The following SLC2A10 variants were observed in gnomAD, a reference collection of about 807,000 sequenced individuals.
SLC2A10 encodes the protein solute carrier family 2 member 10, also known as solute carrier family 2, facilitated glucose transporter member 10.
A neutral mutation model predicts 32.1 loss-of-function variants in SLC2A10; 25 were observed. The ratio of observed to expected loss-of-function variants is 0.78; its 90% confidence interval spans 0.57 to 1.09. SLC2A10 has a LOEUF of 1.09. Among genes scored for constraint, SLC2A10 ranks in the 50% least tolerant of loss-of-function variants. SLC2A10 has a pLI of 0.00. For synonymous variants in SLC2A10, 332 were observed against 309.6 expected (o/e 1.07, Z -0.76); for missense variants, 673 against 686.5 (o/e 0.98, Z 0.22).
chr20:46,709,281 G>C (rs1272283752), upstream of SLC2A10, among the ~76,000 whole-genome samples: 1 of 145,576 alleles, frequency 6.9e-6, no homozygotes, highest in Non-Finnish European at 1.5e-5. Flanking sequence ...TGTGTGTTGT[G>C]TGTGTGCGCA....
chr20:46,710,151 C>G (rs1405065281), intron 1 of SLC2A10: 1 of 427,224 alleles, frequency 2.3e-6, no homozygotes, highest in East Asian at 3.5e-5. Flanking sequence ...GGCCTGGGGA[C>G]GCTGTCGCGA....
intron 1 of SLC2A10, among the ~76,000 whole-genome samples, chr20:46,720,044 G>A (rs1442334272): frequency 6.6e-6 from 1 of 152,150 alleles, no homozygotes; most frequent in Admixed American, 6.5e-5. Context: ...CAACTTAGAG[G>A]AACAGCATCC....
chr20:46,723,547 G>A (rs999761945), intron 1 of SLC2A10, among the ~76,000 whole-genome samples: 1 of 152,132 alleles, frequency 6.6e-6, no homozygotes, highest in Non-Finnish European at 1.5e-5. Flanking sequence ...ATAGATGACC[G>A]ATTTGTTTCC....
chr20:46,722,220 C>A lies in SLC2A10; in HGVS notation c.5-2821C>A, dbSNP rs569881800. On this transcript the variant is annotated intron_variant, in intron 1 of 4. Transcript: ENST00000359271. ...ATGGAGATATTAGTAATACCTAACT[C>A]GTGAGGTTACTGTTCCATGGTGAGC... 2.0e-5 allele frequency among the ~76,000 whole-genome samples: 3 copies of A among 152,202 alleles called. No homozygotes were observed. In the South Asian group the frequency reaches 6.2e-4, roughly 32 times the overall value.
At position 46,735,783 on chromosome 20, in the gene SLC2A10, G is replaced by A. The variant is rs1980538862; in HGVS notation, c.*1949G>A. ...TATGTCTTGTTTGTAGCCAATACATGGTGTATAGCACCAAAAAATGGAGGG... is the reference window on the plus strand; with the variant it reads ...TATGTCTTGTTTGTAGCCAATACATAGTGTATAGCACCAAAAAATGGAGGG... On this transcript the variant is annotated 3_prime_UTR_variant, in exon 5 of 5. Transcript: ENST00000359271. 1 of 152,182 alleles carries A rather than the reference G, an allele frequency of 6.6e-6. No individual in the cohort carries two copies. The highest frequency in any genetic ancestry group is 2.4e-5 in the African/African-American group (1 of 41,440). The allele number at this position is 152,182 out of a possible 1,614,324, so 9.4% of individuals were successfully genotyped here.
At chr20:46,726,724 T>C (rs1419282532) in intron 2 of SLC2A10, 140 bp from the exon 3 acceptor site, 4 of 1,156,526 alleles carry the variant, frequency 3.5e-6, no homozygotes, top group South Asian at 2.5e-5. Context: ...GTAATTCTTA[T>C]AGCAGAATGG....
intron 4 of SLC2A10, among the ~76,000 whole-genome samples, chr20:46,731,869 T>G (rs148366208): frequency 3.9e-5 from 6 of 152,318 alleles, no homozygotes; most frequent in Admixed American, 3.9e-4. Flanking sequence ...TTTTCACTCC[T>G]GTGTCCTCCA....
intron 1 of SLC2A10, among the ~76,000 whole-genome samples, chr20:46,723,453 G>A (rs1382225879): frequency 7.9e-5 from 12 of 152,152 alleles, no homozygotes; most frequent in Admixed American, 7.2e-4. Context: ...CAAAGAAAAA[G>A]GGGTGAATGG....
Position 46,725,236 on chromosome 20 carries a change from T to C in SLC2A10, c.200T>C (p.Phe67Ser). The change falls in exon 2 of 5, where the codon TTC becomes TCC. Residue 67 changes from phenylalanine to serine, a missense_variant. Coordinates refer to ENST00000359271, the MANE Select transcript of SLC2A10 (RefSeq NM_030777.4). ...CTCCTCGCCTCCCTGGTTGGTGGCTTCCTCATTGACTGCTATGGCAGGAAG... is the reference window on the plus strand; with the variant it reads ...CTCCTCGCCTCCCTGGTTGGTGGCTCCCTCATTGACTGCTATGGCAGGAAG... ...GALLASLVGG[F>S]LIDCYGRKQA... 2 of 1,614,142 alleles carry C rather than the reference T, an allele frequency of 1.2e-6. No homozygotes were observed. Among genetic ancestry groups the C allele is most frequent in the Non-Finnish European group, 1.7e-6 (2 of 1,179,998 alleles).
At chr20:46,718,863 C>A (rs1979396806) in intron 1 of SLC2A10, among the ~76,000 whole-genome samples, 1 of 152,170 alleles carries the variant, frequency 6.6e-6, no homozygotes, top group South Asian at 2.1e-4. Flanking sequence ...GCAGCCTCGA[C>A]CTCCTGGGCT....
Position 46,725,972 on chromosome 20 carries a change from T to C in SLC2A10, c.936T>C (p.Ser312=), listed in dbSNP as rs2123048937. ...AGCALMALSV[S]GIGLVSFAVP... The stretch of plus-strand genomic sequence containing the variant: ...GTGCCCTCATGGCCCTGTCCGTCAG[T>C]GGCATAGGCCTCGTCAGCTTTGCCG... Residue 312 remains serine (S), a synonymous_variant, in exon 2 of 5, where the codon AGT becomes AGC. Transcript: ENST00000359271. 6.2e-7 allele frequency: 1 copy of C among 1,613,872 alleles called. No individual in the cohort carries two copies. Among genetic ancestry groups the C allele is most frequent in the South Asian group, 1.1e-5 (1 of 91,088 alleles).
In SLC2A10 at chr20:46,733,790, A is replaced by G; in HGVS notation, c.1582A>G (p.Thr528Ala). ...TLSFGHRQNS[T>A]GIPYSRIEIS... is the part of the protein sequence containing the mutation. ...GAGCTTTGGCCACAGGCAGAACTCCACTGGCATCCCGTACAGCCGCATCGA... is the reference window on the plus strand; with the variant it reads ...GAGCTTTGGCCACAGGCAGAACTCCGCTGGCATCCCGTACAGCCGCATCGA... Residue 528 changes from threonine to alanine, a missense_variant, in exon 5 of 5, where the codon ACT becomes GCT. By Grantham distance (58) the Thr-to-Ala change is moderately conservative. Coordinates refer to ENST00000359271, the MANE Select transcript of SLC2A10 (RefSeq NM_030777.4). 1 of 1,614,150 alleles carries G rather than the reference A, an allele frequency of 6.2e-7. No individual in the cohort carries two copies. Among genetic ancestry groups the G allele is most frequent in the Non-Finnish European group, 8.5e-7 (1 of 1,180,012 alleles).
At position 46,720,434 on chromosome 20, in the gene SLC2A10, T is replaced by C. The variant is rs144335500; in HGVS notation, c.5-4607T>C. On this transcript the variant is annotated intron_variant, in intron 1 of 4. Transcript: ENST00000359271. Reference sequence around the variant, plus strand: ...TAAAATGGGAATATTGAAACACTAATTTCTTTGGATTTAGGAAGAATTTTT... The same window carrying C: ...TAAAATGGGAATATTGAAACACTAACTTCTTTGGATTTAGGAAGAATTTTT... Among the ~76,000 whole-genome samples the C allele has an allele frequency of 4.2e-4, 64 of 152,374 alleles. No homozygotes were observed. The East Asian group carries it at 0.011, about 27-fold the overall frequency.
At chr20:46,715,577 G>A (rs888121087) in intron 1 of SLC2A10, among the ~76,000 whole-genome samples, 9 of 152,196 alleles carry the variant, frequency 5.9e-5, no homozygotes, top group African/African-American at 1.9e-4. Flanking sequence ...CCAGGGAGTG[G>A]CAAGGGCTCG....
chr20:46,717,249 T>C (rs991860217), intron 1 of SLC2A10, among the ~76,000 whole-genome samples: 9 of 152,094 alleles, frequency 5.9e-5, no homozygotes, highest in South Asian at 2.1e-4. Flanking sequence ...CACCCCATAA[T>C]TGATCCATCA....
chr20:46,733,037 T>C (rs1167084092), intron 4 of SLC2A10, among the ~76,000 whole-genome samples: 1 of 151,948 alleles, frequency 6.6e-6, no homozygotes, highest in Non-Finnish European at 1.5e-5. Flanking sequence ...GAAGATGGGA[T>C]GTTAGGCTGA....
Position 46,726,852 on chromosome 20 carries a change from C to T in SLC2A10, c.1289-12C>T, listed in dbSNP as rs750053497. The T allele has an allele frequency of 1.9e-6, 3 of 1,613,886 alleles. No individual in the cohort carries two copies. The African/African-American group carries it at 4.0e-5, about 22-fold the overall frequency. ...ACCACAGCCCAGGAGCCCTCCTGCTCTCCCACCCTAGTGACCTGGCTTGTC... is the reference window on the plus strand; with the variant it reads ...ACCACAGCCCAGGAGCCCTCCTGCTTTCCCACCCTAGTGACCTGGCTTGTC... On this transcript the variant is annotated splice_polypyrimidine_tract_variant and intron_variant, in intron 2 of 4. Coordinates refer to ENST00000359271, the MANE Select transcript of SLC2A10 (RefSeq NM_030777.4).
rs1333929518 is a variant in SLC2A10, at chr20:46,734,589, T to G, written c.*755T>G. On this transcript the variant is annotated 3_prime_UTR_variant, in exon 5 of 5. Transcript: ENST00000359271. Reference sequence around the variant, plus strand: ...CTTTTATCTGAGTTTTATTGACCCCTCTAATTCTCTTACCCAGAATATTTA... The same window carrying G: ...CTTTTATCTGAGTTTTATTGACCCCGCTAATTCTCTTACCCAGAATATTTA... The G allele has an allele frequency of 6.6e-6, 1 of 152,386 alleles. No homozygotes were observed. Among genetic ancestry groups the G allele is most frequent in the Non-Finnish European group, 1.5e-5 (1 of 68,200 alleles). 9.4% of individuals were successfully genotyped at this position (152,386 alleles called of 1,614,324 possible).
At chr20:46,729,619 CTA>C (rs1980170468) in intron 4 of SLC2A10, 131 bp downstream of exon 4, 1 of 505,346 alleles carries the variant, frequency 2.0e-6, no homozygotes, top group Admixed American at 3.6e-5. Flanking sequence ...TGCCTGGGCA[CTA>C]TGAGTTTTTT....
Sources: gnomAD v4.1 joint callset for allele counts (sites outside exome capture counted in the v4.1 genomes callset) on GRCh38, gnomAD v4.1.1 for gene constraint, MANE v1.5 for transcripts, NCBI Gene and HGNC (gene_info 2026-07-23, HGNC 2026-07-21) for gene names.